The following GPC6 variants were observed in gnomAD, a reference collection of about 807,000 sequenced individuals.
The protein encoded by GPC6 is glypican 6, also known as glypican-6.
A neutral mutation model predicts 55.2 loss-of-function variants in GPC6; 14 were observed. The ratio of observed to expected loss-of-function variants is 0.25; its 90% CI spans 0.17 to 0.40. GPC6 has a LOEUF of 0.40. Ranked by LOEUF, GPC6 falls within the 10% of genes least tolerant of loss-of-function variation. The pLI, the probability that GPC6 is intolerant of heterozygous loss-of-function variation, is 1.00. For missense variants in GPC6, 641 were observed against 708.5 expected (o/e 0.90, Z 1.08); for synonymous variants, 278 against 259.6 (o/e 1.07, Z -0.68).
At chr13:93,604,439 A>T (rs1038298201) in intron 2 of GPC6, among the ~76,000 whole-genome samples, 1 of 152,178 alleles carries the variant, frequency 6.6e-6, no homozygotes, top group Non-Finnish European at 1.5e-5. Context: ...CTAGGTATAG[A>T]CTTACAATCT....
intron 4 of GPC6, among the ~76,000 whole-genome samples, chr13:94,091,025 A>C (rs1885460979): frequency 6.6e-6 from 1 of 152,188 alleles, no homozygotes; most frequent in South Asian, 2.1e-4. Context: ...ACAAAATGTC[A>C]GTCAATGGGT....
rs530714790 is a variant in GPC6 at position 93,359,677 on chromosome 13, A to G, written c.160+132061A>G. On this transcript the variant is annotated intron_variant, in intron 1 of 8. Coordinates refer to ENST00000377047, the MANE Select transcript of GPC6 (RefSeq NM_005708.5). ...TCTGAGGCTTTGGAAGTATGAATTCAAAATGGTACTGCTAATGAGAGTAAA... is the reference window on the plus strand; with the variant it reads ...TCTGAGGCTTTGGAAGTATGAATTCGAAATGGTACTGCTAATGAGAGTAAA... 5.2e-4 allele frequency among the ~76,000 whole-genome samples: 79 copies of G among 152,320 alleles called. 2 individuals carry two copies. In the South Asian group the frequency reaches 0.016, roughly 31 times the overall value.
chr13:93,690,957 G>A (rs943691685), intron 2 of GPC6, among the ~76,000 whole-genome samples: 2 of 151,836 alleles, frequency 1.3e-5, no homozygotes, highest in Non-Finnish European at 2.9e-5. Context: ...TCCTCACTAT[G>A]CTGGAGTGCC....
chr13:94,108,740 G>A lies in GPC6; in HGVS notation c.877+80846G>A, dbSNP rs527992800. Among the ~76,000 whole-genome samples the A allele has an allele frequency of 6.1e-4, 92 of 151,852 alleles. 3 individuals are homozygous for A. The South Asian group carries it at 0.018, about 30-fold the overall frequency. On this transcript the variant is annotated intron_variant, in intron 4 of 8. Coordinates refer to ENST00000377047, the MANE Select transcript of GPC6 (RefSeq NM_005708.5). ...GCCTGTAATCCCAGCCACTCAGGAG[G>A]CTGAGACAGAAGAATCACTCGAACC...
At chr13:93,236,544 C>G (rs186470240) in intron 1 of GPC6, among the ~76,000 whole-genome samples, 5 of 152,060 alleles carry the variant, frequency 3.3e-5, no homozygotes, top group Non-Finnish European at 5.9e-5. Context: ...TGCCTCCTGT[C>G]GAATCAGCAG....
At chr13:93,540,361 G>C (rs549266103) in intron 1 of GPC6, among the ~76,000 whole-genome samples, 1 of 152,250 alleles carries the variant, frequency 6.6e-6, no homozygotes, top group South Asian at 2.1e-4. Context: ...AATGATTATA[G>C]ATAAAAGTAT....
chr13:93,426,556 AG>A (rs1877136977), intron 1 of GPC6, among the ~76,000 whole-genome samples: 1 of 151,990 alleles, frequency 6.6e-6, no homozygotes. Context: ...GTCCCCACAA[AG>A]GACATGAACT....
chr13:94,194,452 C>A (rs1459462942), intron 4 of GPC6, among the ~76,000 whole-genome samples: 2 of 152,044 alleles, frequency 1.3e-5, no homozygotes, highest in African/African-American at 4.8e-5. Context: ...GCATTCACAG[C>A]AATCTAGATG....
chr13:94,144,393 G>C (rs1887486799), intron 4 of GPC6, among the ~76,000 whole-genome samples: 1 of 134,432 alleles, frequency 7.4e-6, no homozygotes, highest in Admixed American at 7.9e-5. Flanking sequence ...TTGCCTCTTA[G>C]GTGCTTTTAA....
At chr13:94,349,765 A>G (rs1016271747) in intron 6 of GPC6, among the ~76,000 whole-genome samples, 1 of 152,208 alleles carries the variant, frequency 6.6e-6, no homozygotes, top group Non-Finnish European at 1.5e-5. Context: ...TTCCTCTGCC[A>G]TAAGTAACCA....
intron 4 of GPC6, among the ~76,000 whole-genome samples, chr13:94,218,110 G>A (rs538806424): frequency 1.8e-4 from 28 of 151,912 alleles, no homozygotes; most frequent in Non-Finnish European, 2.5e-4. Context: ...CTCTCATTTC[G>A]GGCTGCTGAG....
At chr13:93,629,323 G>T (rs146870280) in intron 2 of GPC6, among the ~76,000 whole-genome samples, 60 of 152,048 alleles carry the variant, frequency 3.9e-4, no homozygotes, top group African/African-American at 1.4e-3. Context: ...GTTATATCTA[G>T]TAGAAAAATA....
At chr13:94,069,950 T>C (rs991333952) in intron 4 of GPC6, among the ~76,000 whole-genome samples, 3 of 152,228 alleles carry the variant, frequency 2.0e-5, no homozygotes, top group East Asian at 1.9e-4. Context: ...AGTTCCAAAG[T>C]TGCTTCCACA....
At position 93,456,119 on chromosome 13, in the gene GPC6, C is replaced by T. The variant is rs552929288; in HGVS notation, c.161-89144C>T. ...TGGAGAATTGTAACAAGTGTCTTGA[C>T]TTTCTCTGCACCTGGAGATTAATGT... On this transcript the variant is annotated intron_variant, in intron 1 of 8. Coordinates refer to ENST00000377047, the MANE Select transcript of GPC6 (RefSeq NM_005708.5). Among the ~76,000 whole-genome samples, 292 of 152,304 alleles carry T rather than the reference C, an allele frequency of 1.9e-3. 1 individual carries two copies. Among genetic ancestry groups the T allele is most frequent in the African/African-American group, 6.8e-3 (281 of 41,570 alleles).
intron 1 of GPC6, among the ~76,000 whole-genome samples, chr13:93,449,263 C>T (rs1023675508): frequency 6.6e-6 from 1 of 152,138 alleles, no homozygotes; most frequent in Non-Finnish European, 1.5e-5. Context: ...AAGTCAACCA[C>T]CACACATTAA....
intron 2 of GPC6, among the ~76,000 whole-genome samples, chr13:93,548,041 C>G (rs1343551710): frequency 6.6e-6 from 1 of 152,192 alleles, no homozygotes; most frequent in African/African-American, 2.4e-5. Flanking sequence ...TTGATGTGAG[C>G]ACAAAAGAAG....
intron 2 of GPC6, among the ~76,000 whole-genome samples, chr13:93,828,784 T>G (rs1383860269): frequency 6.6e-6 from 1 of 152,134 alleles, no homozygotes; most frequent in Non-Finnish European, 1.5e-5. Flanking sequence ...TTGGTCTGAT[T>G]TGAAAACAAA....
intron 2 of GPC6, among the ~76,000 whole-genome samples, chr13:93,604,665 G>A (rs1594304689): frequency 6.6e-6 from 1 of 151,874 alleles, no homozygotes; most frequent in African/African-American, 2.4e-5. Context: ...ATAGAAGTAC[G>A]CTCTCTGCAC....
At chr13:94,275,590 T>C (rs551166643) in intron 4 of GPC6, among the ~76,000 whole-genome samples, 1 of 152,230 alleles carries the variant, frequency 6.6e-6, no homozygotes, top group East Asian at 1.9e-4. Flanking sequence ...AATTTAACTA[T>C]AAAAATTCAA....
Sources: gnomAD v4.1 joint callset for allele counts (sites outside exome capture counted in the v4.1 genomes callset) on GRCh38, gnomAD v4.1.1 for gene constraint, MANE v1.5 for transcripts, NCBI Gene and HGNC (gene_info 2026-07-23, HGNC 2026-07-21) for gene names.